Variants in KANK4 observed in about 807,000 individuals in gnomAD.
KANK4 encodes the protein KN motif and ankyrin repeat domain-containing protein 4.
A neutral mutation model predicts 80.8 loss-of-function variants in KANK4; 50 were observed. That is an observed-to-expected ratio of 0.62 (90% CI 0.49 to 0.78). KANK4 has a LOEUF of 0.78. Among genes scored for constraint, KANK4 ranks in the 30% least tolerant of loss-of-function variants. The pLI, the probability that KANK4 is intolerant of heterozygous loss-of-function variation, is 0.00. For synonymous variants in KANK4, 465 were observed against 506.9 expected (o/e 0.92, Z 1.11); for missense variants, 1,196 against 1,240.1 (o/e 0.96, Z 0.53).
intron 1 of KANK4, among the ~76,000 whole-genome samples, chr1:62,303,888 T>C (rs1183766836): frequency 2.0e-5 from 3 of 152,076 alleles, no homozygotes; most frequent in Admixed American, 6.5e-5. Context: ...TTTTCTTTTT[T>C]TTTGAGACAG....
chr1:62,296,034 A>T (rs1325412439), intron 1 of KANK4, among the ~76,000 whole-genome samples: 1 of 152,248 alleles, frequency 6.6e-6, no homozygotes, highest in African/African-American at 2.4e-5. Flanking sequence ...CCAGATAAAG[A>T]TGCTGCCTCA....
At chr1:62,251,372 C>T (rs868188098) in intron 8 of KANK4, among the ~76,000 whole-genome samples, 1 of 152,158 alleles carries the variant, frequency 6.6e-6, no homozygotes, top group African/African-American at 2.4e-5. Context: ...TTAGCTTTAA[C>T]GTGGGGTAAA....
chr1:62,311,715 C>G (rs535424710), intron 1 of KANK4, among the ~76,000 whole-genome samples: 15 of 152,290 alleles, frequency 9.8e-5, no homozygotes, highest in African/African-American at 3.6e-4. Context: ...ATTAACCAAG[C>G]AATCAGCTCA....
chr1:62,246,910 AC>A (rs1671479532), intron 9 of KANK4, among the ~76,000 whole-genome samples: 1 of 151,852 alleles, frequency 6.6e-6, no homozygotes, highest in Non-Finnish European at 1.5e-5. Context: ...ACAGGCTCCC[AC>A]CACCAGGTCC....
In KANK4 at chr1:62,236,420, T is replaced by C. The variant is rs1338652680; in HGVS notation, c.*1857A>G. ...CTTACAATGTATTTTGAGGTCAAAA[T>C]AAACTCATTTAAAGCATTTTTTTTC... On this transcript the variant is annotated 3_prime_UTR_variant, in exon 10 of 10. Coordinates refer to ENST00000371153, the MANE Select transcript of KANK4 (RefSeq NM_181712.5). 6.6e-6 allele frequency among the ~76,000 whole-genome samples: 1 copy of C among 152,124 alleles called. No individual in the cohort carries two copies. The highest frequency in any genetic ancestry group is 6.6e-5 in the Admixed American group (1 of 15,256).
Position 62,274,704 on chromosome 1 carries a change from C to A in KANK4, c.400G>T (p.Ala134Ser). 6.2e-7 allele frequency: 1 copy of A among 1,614,198 alleles called. No individual in the cohort carries two copies. Among genetic ancestry groups the A allele is most frequent in the Non-Finnish European group, 8.5e-7 (1 of 1,180,032 alleles). ...EVSYHRKALL[A>S]EATRQLEAAE... ...GCTTCCAACTGTCTGGTGGCCTCTGCCAACAGAGCCTTCCTGTGGTAGCTC... is the reference window on the plus strand; with the variant it reads ...GCTTCCAACTGTCTGGTGGCCTCTGACAACAGAGCCTTCCTGTGGTAGCTC... Residue 134 changes from alanine to serine, a missense_variant, in exon 3 of 10, where the codon GCA (alanine) becomes TCA (serine). Around this residue, in one of 3 missense-constraint regions of KANK4, gnomAD observed 1,154 missense variants for 1,179.6 expected, o/e 0.98. Coordinates refer to ENST00000371153, the MANE Select transcript of KANK4 (RefSeq NM_181712.5).
chr1:62,311,883 C>T (rs1347182655), intron 1 of KANK4, among the ~76,000 whole-genome samples: 1 of 152,142 alleles, frequency 6.6e-6, no homozygotes, highest in African/African-American at 2.4e-5. Context: ...AAATTTACTA[C>T]TCCTTAAGAA....
intron 2 of KANK4, among the ~76,000 whole-genome samples, chr1:62,276,777 C>CAAAAAA (rs61573295): frequency 1.4e-5 from 2 of 138,948 alleles, no homozygotes; most frequent in African/African-American, 2.8e-5. Flanking sequence ...AACTCCATCT[C>CAAAAAA]AAAAATAAGA....
At chr1:62,258,557 A>C (rs1039255495) in intron 7 of KANK4, among the ~76,000 whole-genome samples, 1 of 152,210 alleles carries the variant, frequency 6.6e-6, no homozygotes, top group Non-Finnish European at 1.5e-5. Context: ...AAAGCTGCTT[A>C]GCAGAATTTT....
intron 1 of KANK4, among the ~76,000 whole-genome samples, chr1:62,296,168 T>G (rs2149163531): frequency 6.6e-6 from 1 of 152,364 alleles, no homozygotes; most frequent in South Asian, 2.1e-4. Context: ...AAGTGCATTC[T>G]TAGCACGAAG....
intron 1 of KANK4, among the ~76,000 whole-genome samples, chr1:62,295,567 T>C (rs1224488408): frequency 6.6e-6 from 1 of 152,198 alleles, no homozygotes. Context: ...TTATCTACTG[T>C]TGGGAGGAGA....
intron 8 of KANK4, among the ~76,000 whole-genome samples, chr1:62,251,438 G>A (rs1671615109): frequency 6.6e-6 from 1 of 152,084 alleles, no homozygotes; most frequent in South Asian, 2.1e-4. Flanking sequence ...ATCACTCCAG[G>A]GGAAAGGAGA....
At chr1:62,269,505 T>C (rs910188022) in intron 4 of KANK4, among the ~76,000 whole-genome samples, 8 of 152,346 alleles carry the variant, frequency 5.3e-5, no homozygotes, top group African/African-American at 1.7e-4. Context: ...TCCTCTATTA[T>C]GTATGGAACA....
Position 62,274,739 on chromosome 1 carries a change from C to T in KANK4, c.365G>A (p.Arg122Lys). 6.2e-7 allele frequency: 1 copy of T among 1,614,166 alleles called. No homozygotes were observed. The highest frequency in any genetic ancestry group is 8.5e-7 in the Non-Finnish European group (1 of 1,180,020). Residue 122 changes from arginine (R) to lysine (K), a missense_variant, in exon 3 of 10, where the codon AGG becomes AAG. Transcript: ENST00000371153. The part of the protein sequence containing the change: ...LGNAPQASTS[R>K]SEVSYHRKAL... ...CTTCCTGTGGTAGCTCACCTCACTC[C>T]TGCTTGTTGAGGCCTGGGGGGCATT...
intron 1 of KANK4, among the ~76,000 whole-genome samples, chr1:62,302,592 T>C (rs1176407516): frequency 6.6e-6 from 1 of 151,768 alleles, no homozygotes; most frequent in African/African-American, 2.4e-5. Context: ...ATGAATGGGG[T>C]TAATGTCCTC....
At chr1:62,284,333 G>C (rs769843020) in intron 1 of KANK4, among the ~76,000 whole-genome samples, 1 of 152,146 alleles carries the variant, frequency 6.6e-6, no homozygotes, top group Non-Finnish European at 1.5e-5. Context: ...ATGGAATTTT[G>C]CAACTCTCTG....
chr1:62,318,575 G>A (rs1020178994), intron 1 of KANK4, among the ~76,000 whole-genome samples: 2 of 152,234 alleles, frequency 1.3e-5, no homozygotes, highest in Non-Finnish European at 2.9e-5. Flanking sequence ...GCCAGGGGCC[G>A]AGGAGTGCCA....
At chr1:62,254,876 T>C (rs1442112280) in intron 7 of KANK4, among the ~76,000 whole-genome samples, 1 of 134,674 alleles carries the variant, frequency 7.4e-6, no homozygotes, top group Non-Finnish European at 1.5e-5. Flanking sequence ...TGATTAAACC[T>C]GGTATTTTTT....
At chr1:62,282,963 T>A (rs899992315) in intron 1 of KANK4, among the ~76,000 whole-genome samples, 1 of 152,176 alleles carries the variant, frequency 6.6e-6, no homozygotes, top group Non-Finnish European at 1.5e-5. Context: ...GTAGGTGGTC[T>A]TGCAGAGGCT....
Sources: allele counts gnomAD v4.1 joint callset (sites outside exome capture counted in the v4.1 genomes callset), GRCh38; gene constraint gnomAD v4.1.1; regional missense constraint gnomAD v4.1.1; transcripts MANE v1.5; gene names NCBI Gene and HGNC (gene_info 2026-07-23, HGNC 2026-07-21).